The following ONECUT1 variants were observed in gnomAD, a reference collection of about 807,000 sequenced individuals.
ONECUT1 encodes the protein hepatocyte nuclear factor 6.
A neutral mutation model predicts 25.6 loss-of-function variants in ONECUT1; 12 were observed. The observed-to-expected ratio is 0.47, with a 90% CI of 0.30 to 0.76. The LOEUF is 0.76. Ranked by LOEUF, ONECUT1 falls within the 30% of genes least tolerant of loss-of-function variation. The pLI, the probability that ONECUT1 is intolerant of heterozygous loss-of-function variation, is 0.07. For synonymous variants in ONECUT1, 285 were observed against 270.2 expected (o/e 1.05, Z -0.54); for missense variants, 620 against 651.2 (o/e 0.95, Z 0.52).
At chr15:52,785,400 A>T (rs2083867659) in intron 1 of ONECUT1, among the ~76,000 whole-genome samples, 1 of 151,724 alleles carries the variant, frequency 6.6e-6, no homozygotes, top group South Asian at 2.1e-4. Context: ...CAAACACCGG[A>T]CGGGAAGGGG....
chr15:52,767,456 T>C (rs562106011), intron 1 of ONECUT1, among the ~76,000 whole-genome samples: 12 of 152,208 alleles, frequency 7.9e-5, no homozygotes, highest in Non-Finnish European at 1.3e-4. Context: ...CCAATGATAC[T>C]GGCATCGTCC....
intron 1 of ONECUT1, among the ~76,000 whole-genome samples, chr15:52,787,340 G>T (rs900325749): frequency 6.6e-6 from 1 of 152,110 alleles, no homozygotes; most frequent in African/African-American, 2.4e-5. Flanking sequence ...CAAACCCAAA[G>T]AACGCTTTGG....
chr15:52,757,711 C>T lies in ONECUT1; in HGVS notation c.1242G>A (p.Leu414=), dbSNP rs2083681888. The change falls in exon 2 of 2, where the codon TTG becomes TTA. Residue 414 remains leucine (L), a synonymous_variant. Coordinates refer to ENST00000305901, the MANE Select transcript of ONECUT1 (RefSeq NM_004498.4). ...FKENKRPSKE[L]QITISQQLGL... ...CCAGCTGCTGGGAAATGGTGATTTG[C>T]AATTCTTTGGATGGACGCTTATTTT... 2 of 1,614,114 alleles carry T rather than the reference C, an allele frequency of 1.2e-6. No homozygotes were observed. Among genetic ancestry groups the T allele is most frequent in the African/African-American group, 1.3e-5 (1 of 75,020 alleles).
At chr15:52,765,698 C>T (rs915520739) in intron 1 of ONECUT1, among the ~76,000 whole-genome samples, 5 of 152,152 alleles carry the variant, frequency 3.3e-5, no homozygotes, top group Non-Finnish European at 5.9e-5. Context: ...TTGGATTGAC[C>T]GAGACCATCA....
At chr15:52,762,364 C>G (rs919245834) in intron 1 of ONECUT1, among the ~76,000 whole-genome samples, 1 of 152,196 alleles carries the variant, frequency 6.6e-6, no homozygotes, top group African/African-American at 2.4e-5. Flanking sequence ...TTGCCTCTTC[C>G]TCAAGATTCA....
In ONECUT1 at chr15:52,755,107, G is replaced by T. The variant is rs926514555; in HGVS notation, c.*2448C>A. Among the ~76,000 whole-genome samples, 9 of 151,250 alleles carry T rather than the reference G, an allele frequency of 6.0e-5. No individual in the cohort carries two copies. The highest frequency in any genetic ancestry group is 2.2e-4 in the African/African-American group (9 of 41,072). The stretch of plus-strand genomic sequence containing the variant: ...TAAAAAACATGGTTGTCTGAATTCT[G>T]CTATTCTTTTCTTGGGGTATTGAAT... On this transcript the variant is annotated 3_prime_UTR_variant, in exon 2 of 2. Transcript: ENST00000305901.
chr15:52,761,269 C>A (rs753323961), intron 1 of ONECUT1, among the ~76,000 whole-genome samples: 2 of 152,172 alleles, frequency 1.3e-5, no homozygotes, highest in Non-Finnish European at 2.9e-5. Flanking sequence ...CCTTCACCAC[C>A]CCCAGGGGGA....
rs2083891525 is a variant in ONECUT1, at chr15:52,788,467, G to A, written c.1105+313C>T. 2 of 357,978 alleles carry A rather than the reference G, an allele frequency of 5.6e-6. No homozygotes were observed. The allele number at this position is 357,978 out of a possible 1,614,324, so 22.2% of individuals were successfully genotyped here. On this transcript the variant is annotated intron_variant, in intron 1 of 1. Coordinates refer to ENST00000305901, the MANE Select transcript of ONECUT1 (RefSeq NM_004498.4). The surrounding 1 kb of genome is among the most constrained non-coding windows in gnomAD (Gnocchi z 4.3). ...GGTGGCGCAGAGTGTCTCACCAGGT[G>A]CGGGGATTTCTCTCCGCCTCAGGCC...
intron 1 of ONECUT1, among the ~76,000 whole-genome samples, chr15:52,772,348 C>A (rs535855834): frequency 6.8e-6 from 1 of 147,896 alleles, no homozygotes; most frequent in Non-Finnish European, 1.5e-5. Flanking sequence ...GAGCCAAGAT[C>A]GTGCCACTGC....
chr15:52,775,226 G>A (rs2083792387), intron 1 of ONECUT1, among the ~76,000 whole-genome samples: 1 of 151,750 alleles, frequency 6.6e-6, no homozygotes, highest in Non-Finnish European at 1.5e-5. Flanking sequence ...TAGAATAAGG[G>A]GACCACCACT....
In ONECUT1 at chr15:52,755,396, A is replaced by C. The variant is rs1009435188; in HGVS notation, c.*2159T>G. Among the ~76,000 whole-genome samples, 1 of 152,338 alleles carries C rather than the reference A, an allele frequency of 6.6e-6. No individual in the cohort carries two copies. The highest frequency in any genetic ancestry group is 1.5e-5 in the Non-Finnish European group (1 of 68,016). ...TCAATAGCTGAACTATAATTGTGCC[A>C]TATTTAGAAGGGAAATTTTTAAGCT... is the stretch of plus-strand genomic sequence containing the variant. On this transcript the variant is annotated 3_prime_UTR_variant, in exon 2 of 2. Transcript: ENST00000305901.
At position 52,784,015 on chromosome 15, in the gene ONECUT1, G is replaced by A. The variant is rs1451193510; in HGVS notation, c.1105+4765C>T. 2.0e-5 allele frequency among the ~76,000 whole-genome samples: 3 copies of A among 152,236 alleles called. No individual in the cohort carries two copies. On this transcript the variant is annotated intron_variant, in intron 1 of 1. Coordinates refer to ENST00000305901, the MANE Select transcript of ONECUT1 (RefSeq NM_004498.4). This position sits in a 1 kb window ranked among gnomAD's most constrained non-coding sequence, Gnocchi z 5.0. ...ACGACGTTCTAAAAACAAAGGCGCA[G>A]CAAGCATCCCTTTCTTCGCTGCCGC...
At chr15:52,781,928 T>C (rs1479959659) in intron 1 of ONECUT1, among the ~76,000 whole-genome samples, 1 of 152,236 alleles carries the variant, frequency 6.6e-6, no homozygotes, top group Non-Finnish European at 1.5e-5. Context: ...AACTTAAGCT[T>C]CTTCCTTATC....
chr15:52,780,826 A>G, intron 1 of ONECUT1: 1 of 1,343,328 alleles, frequency 7.4e-7, no homozygotes. Flanking sequence ...GGACTATGAG[A>G]TCATCACCAG....
chr15:52,758,032 G>A (rs2083684470), intron 1 of ONECUT1, among the ~76,000 whole-genome samples, 185 bp from the exon 2 acceptor site: 1 of 152,172 alleles, frequency 6.6e-6, no homozygotes, highest in African/African-American at 2.4e-5. Context: ...TGGGATACAG[G>A]TGAAGTTCTG....
chr15:52,786,686 C>A (rs566067551), intron 1 of ONECUT1, among the ~76,000 whole-genome samples: 46 of 152,348 alleles, frequency 3.0e-4, no homozygotes, highest in Non-Finnish European at 5.9e-4. Context: ...ATGTAGCTCT[C>A]CACGCTTGGA....
chr15:52,768,047 G>C (rs1283056382), intron 1 of ONECUT1, among the ~76,000 whole-genome samples: 12 of 152,172 alleles, frequency 7.9e-5, no homozygotes, highest in Admixed American at 7.9e-4. Context: ...AGGGTAGTGG[G>C]GAGTGGGGGA....
intron 1 of ONECUT1, among the ~76,000 whole-genome samples, chr15:52,778,506 C>G (rs2083818749): frequency 6.6e-6 from 1 of 152,314 alleles, no homozygotes; most frequent in Admixed American, 6.5e-5. Context: ...GTCATTGACA[C>G]TATGTTTTTG....
At chr15:52,770,842 T>C (rs1366713187) in intron 1 of ONECUT1, among the ~76,000 whole-genome samples, 1 of 152,180 alleles carries the variant, frequency 6.6e-6, no homozygotes, top group Non-Finnish European at 1.5e-5. Context: ...GCAAAGGATA[T>C]GAACTCTGTG....
Sources: gnomAD v4.1 joint callset for allele counts (sites outside exome capture counted in the v4.1 genomes callset) on GRCh38, gnomAD v4.1.1 for gene constraint, Gnocchi (gnomAD v3.1) non-coding constraint, MANE v1.5 for transcripts, NCBI Gene and HGNC (gene_info 2026-07-23, HGNC 2026-07-21) for gene names.